The following FGF14 variants were observed in gnomAD, a reference collection of about 807,000 sequenced individuals.
FGF14 encodes the protein fibroblast growth factor 14, also known as fibroblast growth factor homologous factor 4.
FGF14 carries 5 observed loss-of-function variants against 25.5 expected under a neutral mutation model. The ratio of observed to expected loss-of-function variants is 0.20; its 90% CI spans 0.10 to 0.41. The LOEUF (loss-of-function observed/expected upper bound fraction) is 0.41, where lower values mean the gene tolerates loss of function less well. Among genes scored for constraint, FGF14 ranks in the 10% least tolerant of loss-of-function variants. The pLI, the probability that FGF14 is intolerant of heterozygous loss-of-function variation, is 1.00. For synonymous variants in FGF14, 138 were observed against 118.3 expected, an observed-to-expected ratio of 1.17 and a Z score of -1.08; for missense variants, 222 against 320.1, an observed-to-expected ratio of 0.69 and a Z score of 2.34.
chr13:101,973,119 CTTTTT>C (rs35290815), intron 1 of FGF14, among the ~76,000 whole-genome samples: 15 of 127,536 alleles, frequency 1.2e-4, no homozygotes, highest in African/African-American at 3.7e-4. Flanking sequence ...AAGTGTGCTT[CTTTTT>C]TTTTTTTTTT....
At chr13:102,375,864 G>A (rs1417883003) in intron 1 of FGF14, among the ~76,000 whole-genome samples, 8 of 152,100 alleles carry the variant, frequency 5.3e-5, no homozygotes, top group Non-Finnish European at 7.4e-5. Flanking sequence ...GTAACCAAAA[G>A]AATAGGATGT....
intron 1 of FGF14, among the ~76,000 whole-genome samples, chr13:102,327,374 C>T (rs1325406160): frequency 6.6e-6 from 1 of 152,202 alleles, no homozygotes; most frequent in African/African-American, 2.4e-5. Flanking sequence ...ATTGTTATCT[C>T]GCATAAGCTT....
intron 1 of FGF14, among the ~76,000 whole-genome samples, chr13:102,176,981 A>T (rs1050176840): frequency 3.9e-5 from 6 of 152,168 alleles, no homozygotes; most frequent in African/African-American, 1.4e-4. Context: ...TGTCAGTTTT[A>T]AAAAACAGGA....
At chr13:102,183,713 C>T (rs952683433) in intron 1 of FGF14, among the ~76,000 whole-genome samples, 2 of 152,160 alleles carry the variant, frequency 1.3e-5, no homozygotes, top group Non-Finnish European at 2.9e-5. Context: ...TTTCCCTACC[C>T]ACTGCCAGAT....
chr13:102,110,257 C>T (rs2140318358), intron 1 of FGF14, among the ~76,000 whole-genome samples: 1 of 151,958 alleles, frequency 6.6e-6, no homozygotes, highest in African/African-American at 2.4e-5. Flanking sequence ...TGTTTTTTTC[C>T]CCAAAGCTGT....
chr13:102,032,690 G>T (rs2041269590), intron 1 of FGF14, among the ~76,000 whole-genome samples: 1 of 152,100 alleles, frequency 6.6e-6, no homozygotes, highest in Non-Finnish European at 1.5e-5. Context: ...GCCAGGCAGG[G>T]GACATACACT....
intron 1 of FGF14, among the ~76,000 whole-genome samples, chr13:102,121,268 G>A (rs2045712028): frequency 6.6e-6 from 1 of 152,046 alleles, no homozygotes; most frequent in Admixed American, 6.6e-5. Flanking sequence ...GTGGGGCATT[G>A]CCTACAGGTG....
chr13:102,177,931 C>T (rs1164029541), intron 1 of FGF14, among the ~76,000 whole-genome samples: 1 of 151,904 alleles, frequency 6.6e-6, no homozygotes, highest in Non-Finnish European at 1.5e-5. Flanking sequence ...TATCACAAGC[C>T]ATGATATCAA....
At chr13:101,848,380 C>A (rs1159050659) in intron 3 of FGF14, among the ~76,000 whole-genome samples, 1 of 151,942 alleles carries the variant, frequency 6.6e-6, no homozygotes, top group Admixed American at 6.6e-5. Flanking sequence ...CTCCAGTTGT[C>A]TTTCCATTGC....
At chr13:101,806,438 A>AG (rs2041204991) in intron 3 of FGF14, among the ~76,000 whole-genome samples, 1 of 151,846 alleles carries the variant, frequency 6.6e-6, no homozygotes, top group African/African-American at 2.4e-5. Context: ...AAAAAAAAAA[A>AG]AGGAAGAAAA....
chr13:102,021,656 T>C (rs2040658620), intron 1 of FGF14, among the ~76,000 whole-genome samples: 1 of 152,034 alleles, frequency 6.6e-6, no homozygotes, highest in Non-Finnish European at 1.5e-5. Context: ...AGAAAATTGT[T>C]CATCAATTAA....
intron 1 of FGF14, among the ~76,000 whole-genome samples, chr13:101,888,992 T>C (rs2046131532): frequency 6.6e-6 from 1 of 152,122 alleles, no homozygotes; most frequent in Non-Finnish European, 1.5e-5. Context: ...AGGTCTGGTA[T>C]CCTTATGGAA....
chr13:101,876,133 T>A (rs946019980), intron 1 of FGF14, among the ~76,000 whole-genome samples: 1 of 152,210 alleles, frequency 6.6e-6, no homozygotes, highest in African/African-American at 2.4e-5. Context: ...AATCATGTGG[T>A]AATAGATCCT....
chr13:102,353,173 A>G (rs1214138862), intron 1 of FGF14, among the ~76,000 whole-genome samples: 5 of 152,232 alleles, frequency 3.3e-5, no homozygotes, highest in Non-Finnish European at 1.5e-5. Context: ...AATATTAGAC[A>G]TAGTCACGAG....
intron 1 of FGF14, among the ~76,000 whole-genome samples, chr13:102,222,468 A>G (rs1225731561): frequency 6.6e-6 from 1 of 152,198 alleles, no homozygotes; most frequent in Non-Finnish European, 1.5e-5. Flanking sequence ...ACCTTGACCA[A>G]TGGTTTGCCA....
chr13:102,204,610 G>C (rs965449866), intron 1 of FGF14, among the ~76,000 whole-genome samples: 1 of 151,898 alleles, frequency 6.6e-6, no homozygotes, highest in African/African-American at 2.4e-5. Context: ...GCAGTGGTGC[G>C]GTCGTGGCTC....
At chr13:101,757,729 A>G (rs916100508) in intron 3 of FGF14, among the ~76,000 whole-genome samples, 3 of 152,214 alleles carry the variant, frequency 2.0e-5, no homozygotes, top group Non-Finnish European at 4.4e-5. Flanking sequence ...TTGAAAACCA[A>G]ATGCAAATCC....
rs189536753 is a variant in FGF14 at position 101,930,533 on chromosome 13, G to A, written c.209-55237C>T. 6.2e-3 allele frequency among the ~76,000 whole-genome samples: 946 copies of A among 152,260 alleles called. 11 individuals carry two copies. Among genetic ancestry groups the A allele is most frequent in the African/African-American group, 0.021 (892 of 41,534 alleles). Reference sequence around the variant, plus strand: ...CCTTATGTGGTTACACAATCATTCAGCGATTTTCTTTTTAGCCTAGAGGGA... The same window carrying A: ...CCTTATGTGGTTACACAATCATTCAACGATTTTCTTTTTAGCCTAGAGGGA... On this transcript the variant is annotated intron_variant, in intron 1 of 4. Coordinates refer to the FGF14 transcript ENST00000376131.
intron 1 of FGF14, among the ~76,000 whole-genome samples, chr13:102,058,262 G>C (rs1269795740): frequency 6.6e-6 from 1 of 152,148 alleles, no homozygotes; most frequent in Non-Finnish European, 1.5e-5. Context: ...CAATCTCTTT[G>C]TTTTCTAAGG....
Sources: gnomAD v4.1 joint callset for allele counts (sites outside exome capture counted in the v4.1 genomes callset) on GRCh38, gnomAD v4.1.1 for gene constraint, MANE v1.5 for transcripts, NCBI Gene and HGNC (gene_info 2026-07-23, HGNC 2026-07-21) for gene names.